GPD2: variants seen among roughly 807,000 people sequenced by gnomAD.
GPD2 encodes glycerol-3-phosphate dehydrogenase, mitochondrial.
In GPD2, 54 loss-of-function variants were observed where a neutral mutation model predicts 82.4. That is an observed-to-expected ratio of 0.66 (90% CI 0.53 to 0.82). GPD2 has a LOEUF of 0.82. Ranked by LOEUF, GPD2 falls within the 40% of genes least tolerant of loss-of-function variation. The probability of loss-of-function intolerance (pLI) is 0.00; values close to 1 mark genes in which losing one functional copy is unlikely to be tolerated. For missense variants in GPD2, 748 were observed against 896.2 expected (o/e 0.83, Z 2.11); for synonymous variants, 288 against 306.1 (o/e 0.94, Z 0.62).
At chr2:156,465,143 G>T (rs962633877) in intron 1 of GPD2, among the ~76,000 whole-genome samples, 1 of 152,116 alleles carries the variant, frequency 6.6e-6, no homozygotes, top group Non-Finnish European at 1.5e-5. Context: ...GAGCCACCGT[G>T]CCCGGCCTGG....
chr2:156,403,397 C>T, the GPD2 span, among the ~76,000 whole-genome samples: 19 of 152,232 alleles, frequency 1.2e-4, no homozygotes, highest in African/African-American at 2.4e-4. Context: ...CTCTCTTACC[C>T]TTTCTCCTTG....
rs1019385356 is a variant in GPD2, at chr2:156,473,226, A to G, written c.-8-2872A>G. Among the ~76,000 whole-genome samples the G allele has an allele frequency of 3.3e-5, 5 of 152,228 alleles. No homozygotes were observed. In the South Asian group the frequency reaches 8.3e-4, roughly 25 times the overall value. ...GAAAAAGGAAAACTCTTTATTGATT[A>G]TAGTTGATATTATTGCTAACTCTGC... On this transcript the variant is annotated intron_variant, in intron 1 of 16. Coordinates refer to ENST00000438166, the MANE Select transcript of GPD2 (RefSeq NM_000408.5).
chr2:156,417,969 T>G, the GPD2 span, among the ~76,000 whole-genome samples: 2 of 152,226 alleles, frequency 1.3e-5, no homozygotes, highest in South Asian at 2.1e-4. Flanking sequence ...CTAATCTGAA[T>G]ACTTTGGGAG....
At chr2:156,485,519 G>C (rs1437280292) in intron 2 of GPD2, among the ~76,000 whole-genome samples, 9 of 152,206 alleles carry the variant, frequency 5.9e-5, no homozygotes, top group Non-Finnish European at 1.0e-4. Flanking sequence ...ATGCAATGTA[G>C]GCGAGTTGTA....
the GPD2 span, among the ~76,000 whole-genome samples, chr2:156,422,835 A>G: frequency 2.0e-5 from 3 of 152,298 alleles, no homozygotes; most frequent in East Asian, 3.9e-4. Flanking sequence ...TATTTTGTTG[A>G]AAGAGGATTT....
chr2:156,514,370 G>A lies in GPD2; in HGVS notation c.661+874G>A, dbSNP rs535450544. On this transcript the variant is annotated intron_variant, in intron 6 of 16. Transcript: ENST00000438166. Reference sequence around the variant, plus strand: ...ATGTTCAAAAAGTCCTAAAAATTTTGTGATGCAGAGGACAGCTTAGATTTT... The same window carrying A: ...ATGTTCAAAAAGTCCTAAAAATTTTATGATGCAGAGGACAGCTTAGATTTT... Among the ~76,000 whole-genome samples, 11 of 152,026 alleles carry A rather than the reference G, an allele frequency of 7.2e-5. No individual in the cohort carries two copies. The East Asian group carries it at 2.1e-3, about 29-fold the overall frequency.
chr2:156,552,319 G>A (rs3769366), intron 8 of GPD2, among the ~76,000 whole-genome samples: 109,323 of 152,100 alleles, frequency 0.72, 39,371 homozygotes, highest in Middle Eastern at 0.82. Flanking sequence ...TAAAACTGTT[G>A]ACCAGAAGCT....
rs1189858403 is a variant in GPD2 at position 156,496,152 on chromosome 2, G to C, written c.211G>C (p.Asp71His). The change falls in exon 3 of 17, where the codon GAT becomes CAT. Residue 71 changes from aspartate to histidine, a missense_variant. Asp to His is a moderately conservative substitution (Grantham distance 81, BLOSUM62 -1). Around this residue, in one of 3 missense-constraint regions of GPD2, gnomAD observed 692 missense variants for 809.7 expected, o/e 0.85. Transcript: ENST00000438166. Reference sequence around the variant, plus strand: ...GACTTTGCAAAACACATCTGAATTTGATATCCTTGTTATTGGAGGAGGAGC... The same window carrying C: ...GACTTTGCAAAACACATCTGAATTTCATATCCTTGTTATTGGAGGAGGAGC... ...LLTLQNTSEF[D>H]ILVIGGGATG... is the part of the protein sequence containing the mutation. The C allele has an allele frequency of 6.2e-7, 1 of 1,612,890 alleles. No homozygotes were observed. Among genetic ancestry groups the C allele is most frequent in the Non-Finnish European group, 8.5e-7 (1 of 1,178,980 alleles).
intron 6 of GPD2, among the ~76,000 whole-genome samples, chr2:156,541,767 AT>A (rs1479923421): frequency 1.4e-5 from 2 of 144,800 alleles, no homozygotes; most frequent in African/African-American, 2.6e-5. Flanking sequence ...ACTTCAATTA[AT>A]TTTGTCACAT....
chr2:156,568,715 AGTGCACACAT>A (rs1687480093), intron 9 of GPD2, 100 bp from the exon 10 acceptor site: 2 of 894,030 alleles, frequency 2.2e-6, no homozygotes, highest in Non-Finnish European at 3.7e-6. Flanking sequence ...TCCTTTTTAA[AGTGCACACAT>A]GTGTATTCCT....
chr2:156,495,970 C>G, intron 2 of GPD2, 74 bp from the exon 3 acceptor site: 1 of 1,097,454 alleles, frequency 9.1e-7, no homozygotes, highest in African/African-American at 1.5e-5. Context: ...TAGAAATTTC[C>G]TTTTAGTATA....
Position 156,541,247 on chromosome 2 carries a change from ATCTT to A in GPD2, c.662-8355_662-8352del, listed in dbSNP as rs766171833. Among the ~76,000 whole-genome samples the A allele has an allele frequency of 8.5e-5, 13 of 152,352 alleles. No homozygotes were observed. In the East Asian group the frequency reaches 1.3e-3, roughly 16 times the overall value. On this transcript the variant is annotated intron_variant, in intron 6 of 16. Coordinates refer to ENST00000438166, the MANE Select transcript of GPD2 (RefSeq NM_000408.5). Reference sequence around the variant, plus strand: ...TACACCTGTGAAAGAAGCTTTGTAAATCTTTCTTTAACTTAAGAGAGAAAATAAG... The same window carrying A: ...TACACCTGTGAAAGAAGCTTTGTAAATCTTTAACTTAAGAGAGAAAATAAG...
intron 9 of GPD2, among the ~76,000 whole-genome samples, chr2:156,559,216 A>G (rs1687079648): frequency 1.3e-5 from 2 of 152,144 alleles, no homozygotes; most frequent in Admixed American, 6.5e-5. Context: ...GTAATAGTCC[A>G]AGATGTATTC....
chr2:156,472,345 G>C (rs1039613495), intron 1 of GPD2, among the ~76,000 whole-genome samples: 5 of 152,018 alleles, frequency 3.3e-5, no homozygotes, highest in Non-Finnish European at 5.9e-5. Context: ...TTTTGAGACA[G>C]GGTCTTACTC....
At chr2:156,426,308 G>A in the GPD2 span, among the ~76,000 whole-genome samples, 2 of 152,210 alleles carry the variant, frequency 1.3e-5, no homozygotes, top group African/African-American at 4.8e-5. Context: ...TTACAATCAC[G>A]GCAGAAGGTG....
chr2:156,460,852 G>C (rs1286192032), intron 1 of GPD2, among the ~76,000 whole-genome samples: 1 of 152,156 alleles, frequency 6.6e-6, no homozygotes, highest in Non-Finnish European at 1.5e-5. Context: ...TAAAGTATTT[G>C]TTTCCCTATT....
intron 6 of GPD2, among the ~76,000 whole-genome samples, chr2:156,529,165 G>C (rs996814489): frequency 4.7e-5 from 7 of 148,364 alleles, no homozygotes; most frequent in African/African-American, 1.7e-4. Context: ...TTGTGGTTTT[G>C]ATTTGCATTT....
intron 6 of GPD2, among the ~76,000 whole-genome samples, chr2:156,524,720 G>A (rs1249226386): frequency 6.6e-6 from 1 of 152,104 alleles, no homozygotes; most frequent in African/African-American, 2.4e-5. Flanking sequence ...AAACTTAAAA[G>A]AGAGGGGATT....
intron 1 of GPD2, among the ~76,000 whole-genome samples, chr2:156,464,578 T>G (rs1281093298): frequency 6.6e-6 from 1 of 152,210 alleles, no homozygotes; most frequent in African/African-American, 2.4e-5. Context: ...CTTCTTGATC[T>G]CTTATAACTC....
Sources: gnomAD v4.1 joint callset for allele counts (sites outside exome capture counted in the v4.1 genomes callset) on GRCh38, gnomAD v4.1.1 for gene constraint, gnomAD v4.1.1 regional missense constraint, MANE v1.5 for transcripts, NCBI Gene and HGNC (gene_info 2026-07-23, HGNC 2026-07-21) for gene names.